Variants in EDIL3 observed in about 807,000 individuals in gnomAD.
EDIL3 encodes EGF like and discoidin domains 3, also known as EGF-like repeat and discoidin I-like domain-containing protein 3.
Under a neutral mutation model 67.4 loss-of-function variants are expected in EDIL3, and 37 were observed. That is an observed-to-expected ratio of 0.55 (90% confidence interval 0.42 to 0.72). The LOEUF (loss-of-function observed/expected upper bound fraction) is 0.72. Ranked by LOEUF, EDIL3 falls within the 30% of genes least tolerant of loss-of-function variation. EDIL3 has a pLI of 0.00. For synonymous variants in EDIL3, 195 were observed against 196.3 expected (o/e 0.99, Z 0.05); for missense variants, 527 against 586.3 (o/e 0.90, Z 1.04).
At chr5:83,994,894 A>C (rs535510865) in intron 9 of EDIL3, among the ~76,000 whole-genome samples, 66 of 152,070 alleles carry the variant, frequency 4.3e-4, no homozygotes, top group African/African-American at 1.5e-3. Flanking sequence ...TCTCCTTTTT[A>C]TTTCTTTCTT....
chr5:84,170,841 C>T (rs1429940236), intron 4 of EDIL3, among the ~76,000 whole-genome samples: 2 of 152,010 alleles, frequency 1.3e-5, no homozygotes, highest in African/African-American at 4.8e-5. Flanking sequence ...GTTGCCCGGG[C>T]TGGAGTGCAG....
chr5:84,045,273 C>A (rs1482995759), intron 9 of EDIL3, among the ~76,000 whole-genome samples: 1 of 152,116 alleles, frequency 6.6e-6, no homozygotes, highest in Non-Finnish European at 1.5e-5. Flanking sequence ...GGTGAGGACA[C>A]AGCCAAACCA....
rs534413093 is a variant in EDIL3 at position 84,183,936 on chromosome 5, G to A, written c.227-3415C>T. Reference sequence around the variant, plus strand: ...AGCCTGACCAACATGGTGAAACCCCGTCTCTACTAAAAATACAAAATTAGC... The same window carrying A: ...AGCCTGACCAACATGGTGAAACCCCATCTCTACTAAAAATACAAAATTAGC... On this transcript the variant is annotated intron_variant, in intron 3 of 10. Coordinates refer to ENST00000296591, the MANE Select transcript of EDIL3 (RefSeq NM_005711.5). Among the ~76,000 whole-genome samples, 11 of 152,202 alleles carry A rather than the reference G, an allele frequency of 7.2e-5. No individual in the cohort carries two copies. The South Asian group carries it at 1.2e-3, about 17-fold the overall frequency.
chr5:84,071,194 G>A (rs1746734652), intron 6 of EDIL3, among the ~76,000 whole-genome samples: 1 of 152,144 alleles, frequency 6.6e-6, no homozygotes, highest in Non-Finnish European at 1.5e-5. Context: ...TGTGGGAAAG[G>A]GGACTGTAGA....
At chr5:84,036,141 C>G (rs1746018502) in intron 9 of EDIL3, among the ~76,000 whole-genome samples, 2 of 152,126 alleles carry the variant, frequency 1.3e-5, no homozygotes. Context: ...TCCTGAGTAA[C>G]CTGAATGATG....
At position 84,178,326 on chromosome 5, in the gene EDIL3, T is replaced by C. The variant is rs746784921; in HGVS notation, c.355+2067A>G. 8.0e-4 allele frequency among the ~76,000 whole-genome samples: 122 copies of C among 152,262 alleles called. 2 individuals carry two copies. The highest frequency in any genetic ancestry group is 1.6e-3 in the Non-Finnish European group (108 of 68,002). ...TGAAGATCCTGATGCACGAGCACAT[T>C]TGAGTAGCAAGGTTCTAAATATCTA... is the stretch of plus-strand genomic sequence containing the variant. On this transcript the variant is annotated intron_variant, in intron 4 of 10. Coordinates refer to ENST00000296591, the MANE Select transcript of EDIL3 (RefSeq NM_005711.5).
At chr5:84,191,569 T>C (rs1201571070) in intron 3 of EDIL3, among the ~76,000 whole-genome samples, 1 of 152,060 alleles carries the variant, frequency 6.6e-6, no homozygotes, top group East Asian at 1.9e-4. Flanking sequence ...TTCCTTCACC[T>C]ACTGTGATAA....
In EDIL3 at chr5:84,244,081, C is replaced by T. The variant is rs531499587; in HGVS notation, c.196+10003G>A. 5.9e-5 allele frequency among the ~76,000 whole-genome samples: 9 copies of T among 152,030 alleles called. No homozygotes were observed. The East Asian group carries it at 1.7e-3, about 29-fold the overall frequency. ...AACAAAACTCCAGAAACGATGACATCTACTTTAAGCTCTTTAACAAAGAAT... is the reference window on the plus strand; with the variant it reads ...AACAAAACTCCAGAAACGATGACATTTACTTTAAGCTCTTTAACAAAGAAT... On this transcript the variant is annotated intron_variant, in intron 2 of 10. Coordinates refer to ENST00000296591, the MANE Select transcript of EDIL3 (RefSeq NM_005711.5).
At chr5:84,340,522 CTCTCTCTCTCTCTATATATA>C (rs1747083004) in intron 1 of EDIL3, among the ~76,000 whole-genome samples, 1 of 70,452 alleles carries the variant, frequency 1.4e-5, no homozygotes, top group African/African-American at 4.3e-5. Context: ...CTCTCTCTCT[CTCTCTCTCTCTCTATATATA>C]TATATATATA....
At chr5:84,112,482 C>A (rs1047768702) in intron 5 of EDIL3, among the ~76,000 whole-genome samples, 1 of 152,168 alleles carries the variant, frequency 6.6e-6, no homozygotes, top group Non-Finnish European at 1.5e-5. Context: ...CAAATAACAT[C>A]ACTGGACCAA....
rs370449569 is a variant in EDIL3, at chr5:84,384,272, A to T, written c.67+36T>A. ...GCGTTTCTCAGGGGACTCCCAGCCC[A>T]TCCCTCACCCAGCTGTCCGGGTCCC... On this transcript the variant is annotated intron_variant, in intron 1 of 10. Coordinates refer to ENST00000296591, the MANE Select transcript of EDIL3 (RefSeq NM_005711.5). 3.7e-6 allele frequency: 6 copies of T among 1,601,138 alleles called. No individual in the cohort carries two copies. In the African/African-American group the frequency reaches 8.1e-5, roughly 22 times the overall value.
At chr5:84,209,167 T>C (rs1172914990) in intron 3 of EDIL3, among the ~76,000 whole-genome samples, 9 of 151,552 alleles carry the variant, frequency 5.9e-5, no homozygotes, top group Admixed American at 2.0e-4. Flanking sequence ...TAGATGGGAA[T>C]TGAACAATGA....
chr5:84,217,663 T>C (rs1018374256), intron 3 of EDIL3, among the ~76,000 whole-genome samples: 1 of 149,032 alleles, frequency 6.7e-6, no homozygotes, highest in Non-Finnish European at 1.5e-5. Context: ...GCACTCAAAA[T>C]CACATAAGCC....
At chr5:84,155,278 G>A (rs1487082425) in intron 4 of EDIL3, among the ~76,000 whole-genome samples, 1 of 152,172 alleles carries the variant, frequency 6.6e-6, no homozygotes, top group Non-Finnish European at 1.5e-5. Context: ...TCCCCAGAAA[G>A]TTAAAGGTAC....
intron 9 of EDIL3, among the ~76,000 whole-genome samples, chr5:84,044,063 C>G (rs2112217000): frequency 6.6e-6 from 1 of 152,100 alleles, no homozygotes; most frequent in South Asian, 2.1e-4. Flanking sequence ...CTCCTTGACC[C>G]CACCCCTCGA....
intron 6 of EDIL3, chr5:84,078,590 G>A (rs1746906465): frequency 6.6e-6 from 1 of 152,172 alleles, no homozygotes; most frequent in South Asian, 2.1e-4. Flanking sequence ...AAGGTGGGAA[G>A]AGAATAACAA....
At chr5:84,384,094 C>T (rs1425583868) in intron 1 of EDIL3, among the ~76,000 whole-genome samples, 1 of 152,106 alleles carries the variant, frequency 6.6e-6, no homozygotes, top group African/African-American at 2.4e-5. Context: ...CACCCCGGTA[C>T]CCCGCACCCT....
intron 9 of EDIL3, among the ~76,000 whole-genome samples, chr5:84,003,835 A>C (rs575389060): frequency 1.4e-4 from 21 of 152,234 alleles, no homozygotes; most frequent in African/African-American, 5.1e-4. Flanking sequence ...ATTACCCATA[A>C]ATTTAAACAG....
chr5:83,980,368 A>G (rs1475762071), intron 9 of EDIL3, among the ~76,000 whole-genome samples: 1 of 151,970 alleles, frequency 6.6e-6, no homozygotes, highest in Non-Finnish European at 1.5e-5. Flanking sequence ...AATAAAAGGT[A>G]TCTGGATTGG....
Sources: gnomAD v4.1 joint callset for allele counts (sites outside exome capture counted in the v4.1 genomes callset) on GRCh38, gnomAD v4.1.1 for gene constraint, MANE v1.5 for transcripts, NCBI Gene and HGNC (gene_info 2026-07-23, HGNC 2026-07-21) for gene names.